The following ZNF471 variants were observed in gnomAD, a reference collection of about 807,000 sequenced individuals.
ZNF471 encodes the protein EZFIT-related protein 1.
A neutral mutation model predicts 13.7 loss-of-function variants in ZNF471; 7 were observed. The observed-to-expected ratio is 0.51, with a 90% confidence interval of 0.29 to 0.96. The LOEUF (loss-of-function observed/expected upper bound fraction) is 0.96, where lower values mean the gene tolerates loss of function less well. Among genes scored for constraint, ZNF471 ranks in the 40% least tolerant of loss-of-function variants. The pLI is 0.08. For missense variants in ZNF471, 663 were observed against 743.3 expected, an observed-to-expected ratio of 0.89 and a Z score of 1.26; for synonymous variants, 218 against 235.6, an observed-to-expected ratio of 0.93 and a Z score of 0.68.
intron 2 of ZNF471, 100 bp downstream of exon 2, chr19:56,511,704 A>T: frequency 1.0e-6 from 1 of 979,686 alleles, no homozygotes; most frequent in Non-Finnish European, 1.6e-6. Flanking sequence ...TTAACAGTCC[A>T]GGAGCCTAGT....
chr19:56,508,616 C>T lies in ZNF471; in HGVS notation c.-56+696C>T, dbSNP rs1000124736. Reference sequence around the variant, plus strand: ...AGAGAGAGAAGAATCACCATGTATGCGAGACTAGACTGTGCAAGAACAGAG... The same window carrying T: ...AGAGAGAGAAGAATCACCATGTATGTGAGACTAGACTGTGCAAGAACAGAG... On this transcript the variant is annotated intron_variant, in intron 1 of 4. Transcript: ENST00000308031. This position sits in a 1 kb window ranked among gnomAD's most constrained non-coding sequence, Gnocchi z 4.7. Among the ~76,000 whole-genome samples the T allele has an allele frequency of 6.6e-6, 1 of 150,376 alleles. No individual in the cohort carries two copies. The highest frequency in any genetic ancestry group is 1.5e-5 in the Non-Finnish European group (1 of 67,764).
intron 2 of ZNF471, among the ~76,000 whole-genome samples, chr19:56,514,816 C>T (rs2043859738): frequency 6.6e-6 from 1 of 152,134 alleles, no homozygotes; most frequent in South Asian, 2.1e-4. Context: ...AACCTACACT[C>T]CAGAAGTGGG....
intron 2 of ZNF471, among the ~76,000 whole-genome samples, chr19:56,513,922 A>G (rs2043843125): frequency 6.6e-6 from 1 of 151,934 alleles, no homozygotes; most frequent in African/African-American, 2.4e-5. Context: ...GAAATCTTAT[A>G]CCACACCAAG....
At position 56,527,171 on chromosome 19, in the gene ZNF471, C is replaced by T. The variant is rs1383637049; in HGVS notation, c.*1223C>T. 2.5e-5 allele frequency: 4 copies of T among 158,988 alleles called. No homozygotes were observed. Among genetic ancestry groups the T allele is most frequent in the Non-Finnish European group, 5.4e-5 (4 of 73,488 alleles). 9.8% of individuals were successfully genotyped at this position (158,988 alleles called of 1,614,324 possible). On this transcript the variant is annotated 3_prime_UTR_variant, in exon 5 of 5. Coordinates refer to ENST00000308031, the MANE Select transcript of ZNF471 (RefSeq NM_020813.4). Reference sequence around the variant, plus strand: ...AATCTTTGCTGTTCTGCAGCCTCCACCGGTGATACCCAGGCAGATATGGTC... The same window carrying T: ...AATCTTTGCTGTTCTGCAGCCTCCATCGGTGATACCCAGGCAGATATGGTC...
chr19:56,519,668 T>A (rs987987011), intron 4 of ZNF471, among the ~76,000 whole-genome samples: 1 of 152,258 alleles, frequency 6.6e-6, no homozygotes, highest in Non-Finnish European at 1.5e-5. Flanking sequence ...GTTTGATCTT[T>A]TGGAATAATT....
rs899489184 is a variant in ZNF471, at chr19:56,528,805, A to T, written c.*2857A>T. On this transcript the variant is annotated 3_prime_UTR_variant, in exon 5 of 5. Transcript: ENST00000308031. ...AAGTAAAAAAAAATCACTAATGTTT[A>T]ACTGAAGAAAGAGAAATTGAATAAT... The T allele has an allele frequency of 3.5e-4, 54 of 152,194 alleles. No individual in the cohort carries two copies. Among genetic ancestry groups the T allele is most frequent in the African/African-American group, 1.3e-3 (54 of 41,438 alleles). The allele number at this position is 152,194 out of a possible 1,614,324, so 9.4% of individuals were successfully genotyped here.
In ZNF471 at chr19:56,528,643, T is replaced by C. The variant is rs1350671008; in HGVS notation, c.*2695T>C. The C allele has an allele frequency of 6.6e-6, 1 of 152,228 alleles. No homozygotes were observed. The highest frequency in any genetic ancestry group is 2.4e-5 in the African/African-American group (1 of 41,460). 9.4% of individuals were successfully genotyped at this position (152,228 alleles called of 1,614,324 possible). On this transcript the variant is annotated 3_prime_UTR_variant, in exon 5 of 5. Coordinates refer to ENST00000308031, the MANE Select transcript of ZNF471 (RefSeq NM_020813.4). The stretch of plus-strand genomic sequence containing the variant: ...AGCGGCTGTCTCATGATTAAGGCTG[T>C]GTTCCCTTGTTGGTGAGGAAATTAA...
chr19:56,518,319 C>G (rs2043921514), intron 3 of ZNF471, among the ~76,000 whole-genome samples, 163 bp from the exon 4 acceptor site: 1 of 151,934 alleles, frequency 6.6e-6, no homozygotes, highest in South Asian at 2.1e-4. Context: ...TGTTAGCAGT[C>G]TTACTAGGCT....
intron 4 of ZNF471, 70 bp downstream of exon 4, chr19:56,518,647 C>A: frequency 7.7e-7 from 1 of 1,306,618 alleles, no homozygotes; most frequent in Non-Finnish European, 1.1e-6. Flanking sequence ...GAGGTGATAC[C>A]TTCTCACTTA....
At position 56,516,664 on chromosome 19, in the gene ZNF471, TTCTC is replaced by T. The variant is rs1268749253; in HGVS notation, c.160+270_160+273del. Among the ~76,000 whole-genome samples the T allele has an allele frequency of 1.3e-5, 2 of 152,192 alleles. No individual in the cohort carries two copies. Among genetic ancestry groups the T allele is most frequent in the African/African-American group, 4.8e-5 (2 of 41,452 alleles). On this transcript the variant is annotated intron_variant, in intron 3 of 4. Coordinates refer to ENST00000308031, the MANE Select transcript of ZNF471 (RefSeq NM_020813.4). The surrounding 1 kb of genome is among the most constrained non-coding windows in gnomAD (Gnocchi z 4.4). ...CTCACCAGTCTCCTCAGTTTCCTTGTTCTCTCTCTCCTACAGAATTACTATCACC... is the reference window on the plus strand; with the variant it reads ...CTCACCAGTCTCCTCAGTTTCCTTGTTCTCTCCTACAGAATTACTATCACC...
intron 2 of ZNF471, among the ~76,000 whole-genome samples, chr19:56,515,326 G>A (rs2043868629): frequency 2.0e-5 from 3 of 152,144 alleles, no homozygotes; most frequent in Non-Finnish European, 2.9e-5. Context: ...AAGAATATGT[G>A]AAATGATGGT....
Position 56,518,548 on chromosome 19 carries a change from C to T in ZNF471, c.227C>T (p.Thr76Met), listed in dbSNP as rs749785140. ...LEQGREPWEM[T>M]SEMTRSPFSD... ...CAAGGGAGAGAGCCTTGGGAGATGACGAGTGAGATGACAAGAAGCCCATTC... is the reference window on the plus strand; with the variant it reads ...CAAGGGAGAGAGCCTTGGGAGATGATGAGTGAGATGACAAGAAGCCCATTC... Residue 76 changes from threonine (T) to methionine (M), a missense_variant, in exon 4 of 5, where the codon ACG becomes ATG. Transcript: ENST00000308031. 1.9e-5 allele frequency: 31 copies of T among 1,612,844 alleles called. No homozygotes were observed. The highest frequency in any genetic ancestry group is 1.6e-4 in the African/African-American group (12 of 74,720).
chr19:56,508,345 TA>T lies in ZNF471; in HGVS notation c.-56+426del, dbSNP rs988707968. 3.5e-5 allele frequency among the ~76,000 whole-genome samples: 5 copies of T among 144,048 alleles called. No homozygotes were observed. Among genetic ancestry groups the T allele is most frequent in the African/African-American group, 1.3e-4 (5 of 38,256 alleles). The allele number at this position is 144,048 out of a possible 152,430, so 94.5% of individuals were successfully genotyped here. A position where few individuals can be genotyped will look rare whatever the true frequency, so the allele number is the denominator to read the frequency against. ...GAGAGACCAGTGAGTGTGAGAGAGATAGGGATGTGCCTGCATTTGAAAGAGA... is the reference window on the plus strand; with the variant it reads ...GAGAGACCAGTGAGTGTGAGAGAGATGGGATGTGCCTGCATTTGAAAGAGA... On this transcript the variant is annotated intron_variant, in intron 1 of 4. Transcript: ENST00000308031. This position sits in a 1 kb window ranked among gnomAD's most constrained non-coding sequence, Gnocchi z 4.7.
chr19:56,521,746 C>T (rs986460107), intron 4 of ZNF471, among the ~76,000 whole-genome samples: 15 of 151,042 alleles, frequency 9.9e-5, no homozygotes, highest in Non-Finnish European at 1.9e-4. Context: ...AGCAGGAGTT[C>T]CAGACCAGCC....
chr19:56,514,324 C>T (rs1357843694), intron 2 of ZNF471, among the ~76,000 whole-genome samples: 7 of 152,082 alleles, frequency 4.6e-5, no homozygotes, highest in African/African-American at 1.7e-4. Flanking sequence ...GATCTACCGG[C>T]CTTGGCCTCC....
chr19:56,524,947 G>A lies in ZNF471; in HGVS notation c.880G>A (p.Glu294Lys), dbSNP rs2044024281. Residue 294 changes from glutamate (E) to lysine (K), a missense_variant, in exon 5 of 5, where the codon GAA becomes AAA. Transcript: ENST00000308031. The surrounding 1 kb of genome is among the most constrained non-coding windows in gnomAD (Gnocchi z 4.8). ...HTGEKPYKCKECRKAFRQPAH... is the reference protein window; with the variant it reads ...HTGEKPYKCKKCRKAFRQPAH... ...TGGAGAAAAACCATATAAATGTAAG[G>A]AATGCAGAAAAGCCTTCAGACAGCC... 1 of 1,614,094 alleles carries A rather than the reference G, an allele frequency of 6.2e-7. No homozygotes were observed. Among genetic ancestry groups the A allele is most frequent in the Non-Finnish European group, 8.5e-7 (1 of 1,180,022 alleles).
At chr19:56,511,476 A>T in intron 1 of ZNF471, 41 bp from the exon 2 acceptor site, 1 of 1,466,168 alleles carries the variant, frequency 6.8e-7, no homozygotes, top group Non-Finnish European at 9.4e-7. Context: ...GGAGTGCAGC[A>T]TCTCTGGCCT....
intron 2 of ZNF471, among the ~76,000 whole-genome samples, chr19:56,515,007 A>G (rs2043862648): frequency 6.6e-6 from 1 of 152,212 alleles, no homozygotes; most frequent in African/African-American, 2.4e-5. Flanking sequence ...GTGTCCTTAA[A>G]AAGAAAAAAG....
rs1426864517 is a variant in ZNF471 at position 56,508,603 on chromosome 19, A to T, written c.-56+683A>T. 6.6e-6 allele frequency among the ~76,000 whole-genome samples: 1 copy of T among 151,620 alleles called. No individual in the cohort carries two copies. Among genetic ancestry groups the T allele is most frequent in the Non-Finnish European group, 1.5e-5 (1 of 67,938 alleles). Reference sequence around the variant, plus strand: ...CGGTGTGTGTTCGAGAGAGAGAAGAATCACCATGTATGCGAGACTAGACTG... The same window carrying T: ...CGGTGTGTGTTCGAGAGAGAGAAGATTCACCATGTATGCGAGACTAGACTG... On this transcript the variant is annotated intron_variant, in intron 1 of 4. Transcript: ENST00000308031. The surrounding 1 kb of genome is among the most constrained non-coding windows in gnomAD (Gnocchi z 4.7).
Sources: allele counts gnomAD v4.1 joint callset (sites outside exome capture counted in the v4.1 genomes callset), GRCh38; gene constraint gnomAD v4.1.1; non-coding constraint Gnocchi (gnomAD v3.1); transcripts MANE v1.5; gene names NCBI Gene and HGNC (gene_info 2026-07-23, HGNC 2026-07-21).